ODR4: variants seen among roughly 807,000 people sequenced by gnomAD.
ODR4 encodes odr-4 GPCR localization factor homolog.
ODR4 carries 47 observed loss-of-function variants against 60.2 expected under a neutral mutation model. The ratio of observed to expected loss-of-function variants is 0.78; its 90% CI spans 0.62 to 1.00. ODR4 has a LOEUF of 1.00. Among genes scored for constraint, ODR4 ranks in the 50% least tolerant of loss-of-function variants. The probability of loss-of-function intolerance (pLI) is 0.00; values close to 1 mark genes in which losing one functional copy is unlikely to be tolerated. For synonymous variants in ODR4, 178 were observed against 175.5 expected (o/e 1.01, Z -0.11); for missense variants, 488 against 530.8 (o/e 0.92, Z 0.79).
chr1:186,425,176 A>C (rs1020888948), downstream of ODR4, among the ~76,000 whole-genome samples: 4 of 152,116 alleles, frequency 2.6e-5, no homozygotes, highest in Admixed American at 6.5e-5. Context: ...CAAGACCCAG[A>C]ATCTCATGAT....
In ODR4 at chr1:186,419,116, T is replaced by A. The variant is rs768348880; in HGVS notation, c.*40T>A. ...AGTTTCTTGATCATCCAGAGAACAT[T>A]GACAGACAATTATGAATAATAAAGA... is the stretch of plus-strand genomic sequence containing the variant. On this transcript the variant is annotated 3_prime_UTR_variant, in exon 14 of 14. Transcript: ENST00000287859. The A allele has an allele frequency of 6.7e-7, 1 of 1,495,160 alleles. No homozygotes were observed. Among genetic ancestry groups the A allele is most frequent in the South Asian group, 1.2e-5 (1 of 85,864 alleles). The allele number at this position is 1,495,160 out of a possible 1,614,324, so 92.6% of individuals were successfully genotyped here.
chr1:186,401,609 T>C (rs1379221042), intron 11 of ODR4, among the ~76,000 whole-genome samples: 2 of 143,062 alleles, frequency 1.4e-5, no homozygotes, highest in South Asian at 2.5e-4. Context: ...TTCCTCCCTC[T>C]CTTTCTATGA....
chr1:186,383,389 TTGAA>T (rs1660115957), intron 3 of ODR4, among the ~76,000 whole-genome samples: 1 of 152,102 alleles, frequency 6.6e-6, no homozygotes, highest in Admixed American at 6.5e-5. Context: ...CAAGTATTTA[TTGAA>T]TGAATTATAT....
chr1:186,427,627 A>G, the ODR4 span, among the ~76,000 whole-genome samples: 1 of 152,248 alleles, frequency 6.6e-6, no homozygotes, highest in Non-Finnish European at 1.5e-5. Context: ...ACCTGCTTCC[A>G]TGAGTCACAA....
At chr1:186,427,848 T>C in the ODR4 span, among the ~76,000 whole-genome samples, 1 of 152,236 alleles carries the variant, frequency 6.6e-6, no homozygotes, top group Non-Finnish European at 1.5e-5. Context: ...AACGTTAATC[T>C]CTGCATATCT....
chr1:186,377,669 A>T (rs1371430997), intron 1 of ODR4, among the ~76,000 whole-genome samples: 1 of 152,220 alleles, frequency 6.6e-6, no homozygotes, highest in Non-Finnish European at 1.5e-5. Flanking sequence ...CACAGAGGCA[A>T]CAGTGATATT....
At chr1:186,379,194 A>G (rs1558055466) in intron 1 of ODR4, among the ~76,000 whole-genome samples, 1 of 152,158 alleles carries the variant, frequency 6.6e-6, no homozygotes, top group Non-Finnish European at 1.5e-5. Flanking sequence ...CTGTAATCCC[A>G]GCACTTTGGA....
At position 186,398,355 on chromosome 1, in the gene ODR4, T is replaced by C. The variant is rs1412404541; in HGVS notation, c.823T>C (p.Cys275Arg). 1.9e-6 allele frequency: 3 copies of C among 1,610,874 alleles called. No individual in the cohort carries two copies. Among genetic ancestry groups the C allele is most frequent in the East Asian group, 2.2e-5 (1 of 44,660 alleles). The stretch of plus-strand genomic sequence containing the variant: ...CAGATCCACAGCCACAGTCCAGATA[T>C]GTAGCGGTTCTGTAAACCTTAAGGG... ...DHRSTATVQI[C>R]SGSVNLKGAV... Residue 275 changes from cysteine to arginine, a missense_variant, in exon 10 of 14, where the codon TGT becomes CGT. By Grantham distance (180) the Cys-to-Arg change is radical. Coordinates refer to ENST00000287859, the MANE Select transcript of ODR4 (RefSeq NM_017847.6).
chr1:186,430,858 C>CTTTTT, the ODR4 span, among the ~76,000 whole-genome samples: 1 of 144,484 alleles, frequency 6.9e-6, no homozygotes. Flanking sequence ...CCCTCCCTCC[C>CTTTTT]TTTTTTTTTT....
intron 2 of ODR4, 104 bp from the exon 3 acceptor site, chr1:186,382,918 A>G: frequency 8.7e-7 from 1 of 1,152,700 alleles, no homozygotes; most frequent in South Asian, 1.7e-5. Flanking sequence ...TACAAATATT[A>G]CTCAGTTTTT....
At chr1:186,411,263 C>T (rs959347389) in intron 12 of ODR4, among the ~76,000 whole-genome samples, 41 of 151,960 alleles carry the variant, frequency 2.7e-4, no homozygotes, top group African/African-American at 6.3e-4. Context: ...GAAACACTTA[C>T]GATCCCAAGC....
At chr1:186,433,210 A>G in the ODR4 span, among the ~76,000 whole-genome samples, 1 of 151,982 alleles carries the variant, frequency 6.6e-6, no homozygotes, top group Non-Finnish European at 1.5e-5. Context: ...TTATTTTCTT[A>G]ACTTAGTTGG....
At chr1:186,417,724 T>G in intron 13 of ODR4, 70 bp downstream of exon 13, 1 of 821,106 alleles carries the variant, frequency 1.2e-6, no homozygotes, top group Non-Finnish European at 2.0e-6. Flanking sequence ...TACTTTAAGA[T>G]CTTTGTATTT....
At chr1:186,431,151 C>T in the ODR4 span, among the ~76,000 whole-genome samples, 6 of 152,082 alleles carry the variant, frequency 3.9e-5, no homozygotes, top group East Asian at 3.8e-4. Flanking sequence ...TAAATATATA[C>T]GGACTTGTAG....
intron 1 of ODR4, 130 bp downstream of exon 1, chr1:186,376,104 C>A (rs1659750350): frequency 6.6e-6 from 1 of 151,950 alleles, no homozygotes; most frequent in Non-Finnish European, 1.5e-5. Flanking sequence ...GACGAACTTA[C>A]CTTGTGTGAA....
In ODR4 at chr1:186,401,244, G is replaced by A. The variant is rs948886697; in HGVS notation, c.1000+2200G>A. Reference sequence around the variant, plus strand: ...CTAACAGCAGTTGTACTGTTTGTATGTTAAACTTGATACATTTAGAAGTTA... The same window carrying A: ...CTAACAGCAGTTGTACTGTTTGTATATTAAACTTGATACATTTAGAAGTTA... On this transcript the variant is annotated intron_variant, in intron 11 of 13. Transcript: ENST00000287859. 5.1e-6 allele frequency: 7 copies of A among 1,375,978 alleles called. No individual in the cohort carries two copies. In the African/African-American group the frequency reaches 1.0e-4, roughly 20 times the overall value. 85.2% of individuals were successfully genotyped at this position (1,375,978 alleles called of 1,614,324 possible). A position where few individuals can be genotyped will look rare whatever the true frequency, so the allele number is the denominator to read the frequency against.
At chr1:186,385,211 T>A (rs1660208313) in intron 3 of ODR4, among the ~76,000 whole-genome samples, 1 of 151,228 alleles carries the variant, frequency 6.6e-6, no homozygotes, top group Admixed American at 6.6e-5. Context: ...AGATGCCCAG[T>A]ATCAGTAAGT....
At chr1:186,424,344 T>C (rs906394299), downstream of ODR4, among the ~76,000 whole-genome samples, 5 of 152,166 alleles carry the variant, frequency 3.3e-5, no homozygotes, top group African/African-American at 1.2e-4. Flanking sequence ...GGAATATGTA[T>C]ATTTGTGATA....
At chr1:186,433,462 G>A in the ODR4 span, among the ~76,000 whole-genome samples, 1 of 152,054 alleles carries the variant, frequency 6.6e-6, no homozygotes, top group African/African-American at 2.4e-5. Flanking sequence ...TGGTCCTAAA[G>A]AGTAATTTGT....
Sources: gnomAD v4.1 joint callset for allele counts (sites outside exome capture counted in the v4.1 genomes callset) on GRCh38, gnomAD v4.1.1 for gene constraint, MANE v1.5 for transcripts, NCBI Gene and HGNC (gene_info 2026-07-23, HGNC 2026-07-21) for gene names.